The following CCDC3 variants were observed in gnomAD, a reference collection of about 807,000 sequenced individuals.
CCDC3 encodes the protein coiled-coil domain containing 3.
In CCDC3, 24 loss-of-function variants were observed where a neutral mutation model predicts 21.4. The observed-to-expected ratio is 1.12, with a 90% CI of 0.81 to 1.58. The LOEUF is 1.58. CCDC3 is among the 40% of genes most tolerant of loss of function. The probability of loss-of-function intolerance (pLI) is 0.00; values close to 1 mark genes in which losing one functional copy is unlikely to be tolerated. For missense variants in CCDC3, 425 were observed against 360.9 expected, an observed-to-expected ratio of 1.18 and a Z score of -1.44; for synonymous variants, 186 against 166.0, an observed-to-expected ratio of 1.12 and a Z score of -0.93.
intron 2 of CCDC3, among the ~76,000 whole-genome samples, chr10:12,992,687 A>T (rs1288072323): frequency 6.6e-6 from 1 of 152,144 alleles, no homozygotes; most frequent in Non-Finnish European, 1.5e-5. Context: ...AAAAAAGACT[A>T]CACACTGGGT....
At chr10:12,979,234 T>C (rs1460292974) in intron 2 of CCDC3, among the ~76,000 whole-genome samples, 1 of 152,088 alleles carries the variant, frequency 6.6e-6, no homozygotes, top group Non-Finnish European at 1.5e-5. Flanking sequence ...ACATCAACCT[T>C]CTGCCTACAC....
At chr10:13,089,964 T>A (rs978428052) in intron 3 of CCDC3, among the ~76,000 whole-genome samples, 2 of 150,956 alleles carry the variant, frequency 1.3e-5, no homozygotes, top group Non-Finnish European at 2.9e-5. Context: ...AATAATAGCC[T>A]CCAATCTCAT....
At chr10:13,000,652 G>T (rs912684341) in intron 1 of CCDC3, among the ~76,000 whole-genome samples, 1 of 152,216 alleles carries the variant, frequency 6.6e-6, no homozygotes, top group Non-Finnish European at 1.5e-5. Context: ...AGGAAGAGGA[G>T]AGAGTGGACA....
chr10:12,914,891 AGTTT>A (rs1236809466), intron 2 of CCDC3, among the ~76,000 whole-genome samples: 1 of 151,600 alleles, frequency 6.6e-6, no homozygotes, highest in Non-Finnish European at 1.5e-5. Flanking sequence ...CTTTGGGCTT[AGTTT>A]GTTCTTCTTT....
intron 5 of CCDC3, among the ~76,000 whole-genome samples, chr10:13,020,408 G>A (rs569937662): frequency 6.6e-6 from 1 of 152,296 alleles, no homozygotes; most frequent in African/African-American, 2.4e-5. Context: ...AGAGGGTTGT[G>A]CTATTATTCT....
At chr10:12,985,937 G>A (rs1317624344) in intron 2 of CCDC3, among the ~76,000 whole-genome samples, 2 of 152,134 alleles carry the variant, frequency 1.3e-5, no homozygotes, top group Admixed American at 6.5e-5. Flanking sequence ...GTGCAGTGGC[G>A]CGATCTCGGC....
rs146401929 is a variant in CCDC3, at chr10:12,920,206, C to A, written c.550-21527G>T. On this transcript the variant is annotated intron_variant, in intron 2 of 2. Transcript: ENST00000378825. ...GGCACGTCTTACATGGCGGCAGGCA[C>A]GAGAGAATGAGAGCCAAGTCAAAGG... is the stretch of plus-strand genomic sequence containing the variant. Among the ~76,000 whole-genome samples, 687 of 152,082 alleles carry A rather than the reference C, an allele frequency of 4.5e-3. 7 individuals carry two copies. Among genetic ancestry groups the A allele is most frequent in the African/African-American group, 0.013 (558 of 41,464 alleles).
At chr10:13,003,308 A>C (rs1427937203), upstream of CCDC3, among the ~76,000 whole-genome samples, 2 of 152,150 alleles carry the variant, frequency 1.3e-5, no homozygotes, top group East Asian at 3.8e-4. Context: ...AATATTCTGA[A>C]GTAGATATAA....
intron 2 of CCDC3, among the ~76,000 whole-genome samples, chr10:12,916,302 C>CAT (rs1834355465): frequency 6.6e-6 from 1 of 151,950 alleles, no homozygotes; most frequent in African/African-American, 2.4e-5. Flanking sequence ...CATGGTGGTG[C>CAT]ATGCCTGTAA....
intron 2 of CCDC3, among the ~76,000 whole-genome samples, chr10:12,984,527 A>G (rs908382208): frequency 6.6e-6 from 1 of 152,248 alleles, no homozygotes; most frequent in Admixed American, 6.5e-5. Flanking sequence ...CATAGTTACC[A>G]TCTGACCCAG....
chr10:12,980,063 T>G, intron 2 of CCDC3, among the ~76,000 whole-genome samples: 1 of 152,228 alleles, frequency 6.6e-6, no homozygotes, highest in Non-Finnish European at 1.5e-5. Flanking sequence ...TGATGTTACA[T>G]GAAAGGGTTC....
chr10:12,957,692 CGTT>C (rs1298553459), intron 2 of CCDC3, among the ~76,000 whole-genome samples: 1 of 152,132 alleles, frequency 6.6e-6, no homozygotes, highest in African/African-American at 2.4e-5. Flanking sequence ...CTACCTCCCT[CGTT>C]GTTCTGGCCA....
At chr10:12,957,449 T>A (rs2131253613) in intron 2 of CCDC3, among the ~76,000 whole-genome samples, 1 of 152,352 alleles carries the variant, frequency 6.6e-6, no homozygotes, top group South Asian at 2.1e-4. Context: ...TTTTTCTGAT[T>A]TAAAACAAAA....
intron 3 of CCDC3, among the ~76,000 whole-genome samples, chr10:13,076,450 G>C (rs1170251396): frequency 2.6e-5 from 4 of 152,208 alleles, no homozygotes; most frequent in African/African-American, 9.6e-5. Context: ...CCCAGACGTA[G>C]GAGTGTCCTG....
chr10:12,919,185 G>A (rs1007814017), intron 2 of CCDC3, among the ~76,000 whole-genome samples: 2 of 152,186 alleles, frequency 1.3e-5, no homozygotes, highest in African/African-American at 4.8e-5. Flanking sequence ...AAAGACCTAG[G>A]CTGGAAGGGT....
chr10:12,972,627 A>C (rs1257516844), intron 2 of CCDC3, among the ~76,000 whole-genome samples: 1 of 152,002 alleles, frequency 6.6e-6, no homozygotes. Context: ...GACCAGCCTG[A>C]CCAACATGGT....
intron 2 of CCDC3, among the ~76,000 whole-genome samples, chr10:12,921,657 G>A (rs76334543): frequency 0.061 from 9,275 of 152,224 alleles, 300 homozygotes; most frequent in Non-Finnish European, 0.078. Context: ...ACCAGTCTCT[G>A]GCACTATTTA....
chr10:13,077,105 A>G (rs1020883973), intron 3 of CCDC3, among the ~76,000 whole-genome samples: 1 of 152,210 alleles, frequency 6.6e-6, no homozygotes, highest in Non-Finnish European at 1.5e-5. Flanking sequence ...GTATATTTAG[A>G]AAACCCCATC....
chr10:13,023,205 T>G (rs1396647648), intron 5 of CCDC3, among the ~76,000 whole-genome samples: 1 of 152,214 alleles, frequency 6.6e-6, no homozygotes, highest in Non-Finnish European at 1.5e-5. Flanking sequence ...GCCTCCTGTT[T>G]GACTTATCTA....
Sources: allele counts gnomAD v4.1 joint callset (sites outside exome capture counted in the v4.1 genomes callset), GRCh38; gene constraint gnomAD v4.1.1; transcripts MANE v1.5; gene names NCBI Gene and HGNC (gene_info 2026-07-23, HGNC 2026-07-21).